The following RABGAP1L variants were observed in gnomAD, a reference collection of about 807,000 sequenced individuals.
RABGAP1L encodes rab GTPase-activating protein 1-like.
In RABGAP1L, 63 loss-of-function variants were observed where a neutral mutation model predicts 137.7. The ratio of observed to expected loss-of-function variants is 0.46; its 90% CI spans 0.37 to 0.56. RABGAP1L has a LOEUF of 0.56. Ranked by LOEUF, RABGAP1L falls within the 20% of genes least tolerant of loss-of-function variation. RABGAP1L has a pLI of 0.00. For missense variants in RABGAP1L, 1,095 were observed against 1,244.0 expected, an observed-to-expected ratio of 0.88 and a Z score of 1.80; for synonymous variants, 431 against 433.7, an observed-to-expected ratio of 0.99 and a Z score of 0.08.
chr1:174,375,364 G>A (rs1015057859), intron 12 of RABGAP1L, among the ~76,000 whole-genome samples: 2 of 151,770 alleles, frequency 1.3e-5, no homozygotes, highest in African/African-American at 4.8e-5. Flanking sequence ...AAGGAAATAA[G>A]AACAGAAATA....
intron 11 of RABGAP1L, among the ~76,000 whole-genome samples, chr1:174,368,326 T>G (rs1684822578): frequency 1.3e-5 from 2 of 152,240 alleles, no homozygotes; most frequent in African/African-American, 2.4e-5. Flanking sequence ...GTTACAAATA[T>G]GTCTTTCGAG....
intron 19 of RABGAP1L, among the ~76,000 whole-genome samples, chr1:174,885,023 C>A (rs1015124762): frequency 1.3e-5 from 2 of 152,180 alleles, no homozygotes; most frequent in Admixed American, 1.3e-4. Context: ...ACCTCACTTG[C>A]AATTAGCTCT....
intron 13 of RABGAP1L, among the ~76,000 whole-genome samples, chr1:174,513,529 C>T (rs542719790): frequency 5.3e-5 from 8 of 152,132 alleles, no homozygotes; most frequent in Non-Finnish European, 7.3e-5. Context: ...AGAAAGATCA[C>T]TTGAGCCCAA....
intron 4 of RABGAP1L, among the ~76,000 whole-genome samples, chr1:174,238,047 T>C (rs1671373334): frequency 6.6e-6 from 1 of 152,086 alleles, no homozygotes; most frequent in Non-Finnish European, 1.5e-5. Flanking sequence ...ATACCCTTTC[T>C]TCCAGTTGAT....
chr1:174,840,647 A>AG (rs1693278159), intron 19 of RABGAP1L, among the ~76,000 whole-genome samples: 1 of 149,810 alleles, frequency 6.7e-6, no homozygotes, highest in South Asian at 2.1e-4. Flanking sequence ...AAAAAAAAAA[A>AG]CAAAAAAAAA....
chr1:174,439,023 C>T (rs1380633121), intron 13 of RABGAP1L, among the ~76,000 whole-genome samples: 1 of 151,086 alleles, frequency 6.6e-6, no homozygotes, highest in Non-Finnish European at 1.5e-5. Flanking sequence ...CTTATGTGCA[C>T]AATTATATCT....
intron 13 of RABGAP1L, among the ~76,000 whole-genome samples, chr1:174,580,052 G>A (rs894291673): frequency 2.6e-5 from 4 of 151,952 alleles, no homozygotes; most frequent in East Asian, 1.9e-4. Context: ...ATGAGACACC[G>A]TGGCCAGCCA....
At chr1:174,261,756 C>T (rs4140468) in intron 7 of RABGAP1L, among the ~76,000 whole-genome samples, 13,636 of 152,228 alleles carry the variant, frequency 0.09, 827 homozygotes, top group East Asian at 0.22. Flanking sequence ...CAAGTTGTTA[C>T]AGTTTTATTT....
chr1:174,616,252 AT>A (rs1671848193), intron 13 of RABGAP1L, among the ~76,000 whole-genome samples: 1 of 152,118 alleles, frequency 6.6e-6, no homozygotes, highest in Admixed American at 6.5e-5. Context: ...TTGCTGTGAA[AT>A]TTTGGTTTGG....
chr1:174,794,547 C>CA (rs1352964702), intron 18 of RABGAP1L, among the ~76,000 whole-genome samples: 2 of 152,198 alleles, frequency 1.3e-5, no homozygotes, highest in Non-Finnish European at 2.9e-5. Context: ...TACAGAAGCT[C>CA]AGAGGGCTAA....
At chr1:174,242,855 AATGAGT>A (rs374471167) in intron 5 of RABGAP1L, 6 of 152,316 alleles carry the variant, frequency 3.9e-5, no homozygotes, top group South Asian at 2.1e-4. Context: ...CAGGAGAGTG[AATGAGT>A]ATAAGTATGC....
intron 19 of RABGAP1L, among the ~76,000 whole-genome samples, chr1:174,937,786 TC>T (rs1271444278): frequency 6.7e-6 from 1 of 149,552 alleles, no homozygotes; most frequent in Non-Finnish European, 1.5e-5. Flanking sequence ...AACCTTCACC[TC>T]CCGGGTTCAA....
In RABGAP1L at chr1:174,702,176, T is replaced by C; in HGVS notation, c.2089T>C (p.Ser697Pro). 1 of 1,612,400 alleles carries C rather than the reference T, an allele frequency of 6.2e-7. No individual in the cohort carries two copies. The highest frequency in any genetic ancestry group is 8.5e-7 in the Non-Finnish European group (1 of 1,178,964). The change falls in exon 17 of 26, where the codon TCC becomes CCC. Residue 697 changes from serine to proline, a missense_variant. By Grantham distance (74) the Ser-to-Pro change is moderately conservative. This residue lies in a region of RABGAP1L where 312 missense variants were observed against 435.6 expected (regional missense o/e 0.72). Transcript: ENST00000681986. ...DLNLEAHMYA[S>P]QWFLTLFTAK... The stretch of plus-strand genomic sequence containing the variant: ...GAACCTGGAAGCTCATATGTATGCA[T>C]CCCAGTGGTTTCTCACTCTTTTTAC...
At chr1:174,437,460 A>G (rs1212641689) in intron 13 of RABGAP1L, among the ~76,000 whole-genome samples, 2 of 152,232 alleles carry the variant, frequency 1.3e-5, no homozygotes, top group Non-Finnish European at 2.9e-5. Flanking sequence ...ACTGGAAGAA[A>G]GGGTATCAGC....
intron 11 of RABGAP1L, among the ~76,000 whole-genome samples, chr1:174,324,061 A>G (rs950046525): frequency 6.6e-6 from 1 of 152,190 alleles, no homozygotes; most frequent in African/African-American, 2.4e-5. Context: ...TTAACCTGCA[A>G]ATTATCCAGA....
chr1:174,827,057 A>G (rs769876500), intron 19 of RABGAP1L, among the ~76,000 whole-genome samples: 1 of 152,146 alleles, frequency 6.6e-6, no homozygotes, highest in Non-Finnish European at 1.5e-5. Flanking sequence ...TGGTTTCCAC[A>G]TGGGATGGTC....
chr1:174,498,315 C>T (rs1037618198), intron 13 of RABGAP1L, among the ~76,000 whole-genome samples: 2 of 152,148 alleles, frequency 1.3e-5, no homozygotes, highest in Middle Eastern at 3.4e-3. Context: ...GTAATATTCA[C>T]ATATTGCTTA....
intron 18 of RABGAP1L, among the ~76,000 whole-genome samples, chr1:174,804,575 A>G (rs1035847780): frequency 2.6e-5 from 4 of 152,088 alleles, no homozygotes; most frequent in Non-Finnish European, 4.4e-5. Flanking sequence ...GGCCTTCCAA[A>G]GTGTTGGGAT....
At chr1:174,834,951 A>G (rs1425388499) in intron 19 of RABGAP1L, among the ~76,000 whole-genome samples, 1 of 152,142 alleles carries the variant, frequency 6.6e-6, no homozygotes, top group Non-Finnish European at 1.5e-5. Flanking sequence ...TATCCTGCAA[A>G]TCTTTTGAAG....
Sources: allele counts gnomAD v4.1 joint callset (sites outside exome capture counted in the v4.1 genomes callset), GRCh38; gene constraint gnomAD v4.1.1; regional missense constraint gnomAD v4.1.1; transcripts MANE v1.5; gene names NCBI Gene and HGNC (gene_info 2026-07-23, HGNC 2026-07-21).